SETMAR: variants seen among roughly 807,000 people sequenced by gnomAD.
SETMAR encodes the protein histone-lysine N-methyltransferase SETMAR.
Under a neutral mutation model 58.4 loss-of-function variants are expected in SETMAR, and 44 were observed. The observed-to-expected ratio is 0.75, with a 90% CI of 0.59 to 0.97. SETMAR has a LOEUF of 0.97. Ranked by LOEUF, SETMAR falls within the 50% of genes least tolerant of loss-of-function variation. SETMAR has a pLI of 0.00. For synonymous variants in SETMAR, 332 were observed against 307.4 expected, an observed-to-expected ratio of 1.08 and a Z score of -0.84; for missense variants, 903 against 840.2, an observed-to-expected ratio of 1.07 and a Z score of -0.92.
At chr3:4,311,220 A>G (rs73806997) in intron 1 of SETMAR, among the ~76,000 whole-genome samples, 1,738 of 152,236 alleles carry the variant, frequency 0.011, 39 homozygotes, top group African/African-American at 0.04. Context: ...TTTTTAGTGT[A>G]GGGTTTTGCA....
intron 1 of SETMAR, among the ~76,000 whole-genome samples, chr3:4,305,339 G>T (rs1698148259): frequency 1.3e-5 from 2 of 152,168 alleles, no homozygotes; most frequent in South Asian, 4.1e-4. Flanking sequence ...ACCCACCTGG[G>T]CCTCCCAAAG....
At chr3:4,305,599 G>C (rs2125075456) in intron 1 of SETMAR, among the ~76,000 whole-genome samples, 1 of 152,284 alleles carries the variant, frequency 6.6e-6, no homozygotes, top group Non-Finnish European at 1.5e-5. Flanking sequence ...GCAATTTCAA[G>C]ATATGGCAAG....
At chr3:4,312,626 G>A (rs189920133) in intron 1 of SETMAR, among the ~76,000 whole-genome samples, 28 of 150,524 alleles carry the variant, frequency 1.9e-4, no homozygotes, top group Admixed American at 1.5e-3. Flanking sequence ...CAGGAGAATC[G>A]CTTGAGCCCA....
Position 4,316,346 on chromosome 3 carries a change from A to C in SETMAR, c.1155A>C (p.Thr385=). 1 of 1,460,086 alleles carries C rather than the reference A, an allele frequency of 6.8e-7. No homozygotes were observed. The highest frequency in any genetic ancestry group is 2.5e-5 in the East Asian group (1 of 40,600). The allele number at this position is 1,460,086 out of a possible 1,614,324, so 90.4% of individuals were successfully genotyped here. Residue 385 remains threonine, a synonymous_variant, in exon 3 of 3, where the codon ACA becomes ACC. Transcript: ENST00000358065. ...GCCCAGGAACTGCTAACGAACGTAC[A>C]GTGCAGTGGTGGTTCAAGAAGTTTT... ...AFGPGTANER[T]VQWWFKKFCK...
intron 1 of SETMAR, among the ~76,000 whole-genome samples, chr3:4,307,635 AT>A (rs1698242866): frequency 6.6e-6 from 1 of 152,196 alleles, no homozygotes; most frequent in Admixed American, 6.5e-5. Context: ...CCAGTATATC[AT>A]TTTGCCGTGA....
intron 1 of SETMAR, among the ~76,000 whole-genome samples, chr3:4,306,197 T>C (rs1017128139): frequency 2.0e-5 from 3 of 152,204 alleles, no homozygotes; most frequent in Non-Finnish European, 2.9e-5. Flanking sequence ...TCTTGAGTCA[T>C]ATTTTTCTTT....
chr3:4,303,933 G>A, intron 1 of SETMAR: 1 of 1,151,040 alleles, frequency 8.7e-7, no homozygotes, highest in South Asian at 1.6e-5. Context: ...ACAGCCCCTC[G>A]AGTCAGCCTT....
rs1320076859 is a variant in SETMAR, at chr3:4,313,159, C to T, written c.418C>T (p.His140Tyr). 2.5e-6 allele frequency: 4 copies of T among 1,614,022 alleles called. No homozygotes were observed. The Admixed American group carries it at 5.0e-5, about 20-fold the overall frequency. Residue 140 changes from histidine to tyrosine, a missense_variant, in exon 2 of 3, where the codon CAC becomes TAC. Physicochemically the swap from His to Tyr is moderately conservative, Grantham distance 83. Transcript: ENST00000358065. ...NRVVQKGLQF[H>Y]FQVFKTHKKG... ...AGTGGTCCAGAAAGGTCTACAGTTC[C>T]ACTTCCAAGTGTTCAAGACGCATAA...
chr3:4,310,505 G>A (rs1343684540), intron 1 of SETMAR, among the ~76,000 whole-genome samples: 2 of 152,036 alleles, frequency 1.3e-5, no homozygotes, highest in Non-Finnish European at 2.9e-5. Flanking sequence ...CCATCACGGG[G>A]AAAAAATTTA....
Position 4,317,165 on chromosome 3 carries a change from G to C in SETMAR, c.1974G>C (p.Thr658=), listed in dbSNP as rs369137030. The C allele has an allele frequency of 7.4e-4, 1,145 of 1,549,644 alleles. 4 individuals carry two copies. Among genetic ancestry groups the C allele is most frequent in the Middle Eastern group, 3.0e-3 (16 of 5,298 alleles). The change falls in exon 3 of 3, where the codon ACG becomes ACC. Residue 658 remains threonine (T), a synonymous_variant. Transcript: ENST00000358065. Reference sequence around the variant, plus strand: ...AAGAGTTCGTCGAATCCCAAAGCACGGATTTTTACGCTACAGGAATAAACC... The same window carrying C: ...AAGAGTTCGTCGAATCCCAAAGCACCGATTTTTACGCTACAGGAATAAACC... ...AFQEFVESQS[T]DFYATGINQL... is the part of the protein sequence containing the mutation.
At position 4,316,985 on chromosome 3, in the gene SETMAR, A is replaced by G. The variant is rs1207064087; in HGVS notation, c.1794A>G (p.Thr598=). 3.2e-6 allele frequency: 5 copies of G among 1,549,300 alleles called. No homozygotes were observed. The highest frequency in any genetic ancestry group is 8.7e-7 in the Non-Finnish European group (1 of 1,146,702). Residue 598 remains threonine, a synonymous_variant, in exon 3 of 3, where the codon ACA becomes ACG. Coordinates refer to ENST00000358065, the MANE Select transcript of SETMAR (RefSeq NM_006515.4). ...CCCGACCGCATGTTGCACAACCCACACTTCAAAAGTTGAATGAATTGGGCT... is the reference window on the plus strand; with the variant it reads ...CCCGACCGCATGTTGCACAACCCACGCTTCAAAAGTTGAATGAATTGGGCT... The part of the protein sequence containing the change: ...DNARPHVAQP[T]LQKLNELGYE...
At chr3:4,312,714 A>AAC (rs1553553376) in intron 1 of SETMAR, among the ~76,000 whole-genome samples, 184 bp from the exon 2 acceptor site, 2 of 151,590 alleles carry the variant, frequency 1.3e-5, no homozygotes, top group Non-Finnish European at 2.9e-5. Context: ...AAAAAAAAAA[A>AAC]AAAAAAACTT....
intron 1 of SETMAR, among the ~76,000 whole-genome samples, chr3:4,310,985 G>T (rs186657636): frequency 6.6e-6 from 1 of 152,200 alleles, no homozygotes; most frequent in Admixed American, 6.5e-5. Context: ...AACAGCAGTC[G>T]TTGAGTTTGA....
chr3:4,303,743 A>T (rs1698055760), intron 1 of SETMAR: 7 of 1,489,792 alleles, frequency 4.7e-6, no homozygotes, highest in Non-Finnish European at 6.3e-6. Flanking sequence ...TTTTCAGTCC[A>T]TTCCCTGAAG....
At chr3:4,314,016 G>T in intron 2 of SETMAR, 1 of 598,532 alleles carries the variant, frequency 1.7e-6, no homozygotes, top group Non-Finnish European at 2.8e-6. Flanking sequence ...AAGCAAAAAT[G>T]ACAAGTCCTT....
intron 1 of SETMAR, among the ~76,000 whole-genome samples, chr3:4,304,327 A>G (rs1698092940): frequency 6.6e-6 from 1 of 152,160 alleles, no homozygotes; most frequent in Non-Finnish European, 1.5e-5. Context: ...TTTTTAGTAG[A>G]GACAGGGTTT....
intron 2 of SETMAR, among the ~76,000 whole-genome samples, chr3:4,315,282 TAACTG>T (rs199941708): frequency 0.011 from 1,737 of 152,306 alleles, 39 homozygotes; most frequent in African/African-American, 0.04. Flanking sequence ...GCTCACCTAA[TAACTG>T]AGCTGCTTCA....
At chr3:4,303,964 TGTGGGCTCTTGGGCGA>T in intron 1 of SETMAR, 1 of 836,636 alleles carries the variant, frequency 1.2e-6, no homozygotes, top group East Asian at 8.1e-5. Flanking sequence ...TCCCTCACGC[TGTGGGCTCTTGGGCGA>T]GTGTAAATTA....
In SETMAR at chr3:4,313,182, T is replaced by TA; in HGVS notation, c.447dup (p.Gly150ArgfsTer18). 6.2e-7 allele frequency: 1 copy of TA among 1,614,002 alleles called. No homozygotes were observed. Among genetic ancestry groups the TA allele is most frequent in the Non-Finnish European group, 8.5e-7 (1 of 1,179,970 alleles). ...TCCACTTCCAAGTGTTCAAGACGCA[T>TA]AAAAAAGGCTGGGGACTTCGTACCT... On this transcript the variant is annotated frameshift_variant, in exon 2 of 3. Coordinates refer to ENST00000358065, the MANE Select transcript of SETMAR (RefSeq NM_006515.4). LOFTEE classifies it high-confidence loss of function.
Sources: allele counts gnomAD v4.1 joint callset (sites outside exome capture counted in the v4.1 genomes callset), GRCh38; gene constraint gnomAD v4.1.1; transcripts MANE v1.5; gene names NCBI Gene and HGNC (gene_info 2026-07-23, HGNC 2026-07-21).